The following TIMP2 variants were observed in gnomAD, a reference collection of about 807,000 sequenced individuals.
The protein encoded by TIMP2 is metalloproteinase inhibitor 2.
TIMP2 carries 5 observed loss-of-function variants against 24.3 expected under a neutral mutation model. That is an observed-to-expected ratio of 0.21 (90% CI 0.11 to 0.43). The LOEUF is 0.43. TIMP2 is among the 20% of genes least tolerant of loss of function. The pLI is 1.00. For synonymous variants in TIMP2, 130 were observed against 123.2 expected (o/e 1.06, Z -0.37); for missense variants, 221 against 297.5 (o/e 0.74, Z 1.89).
chr17:78,871,449 CAAAAA>C (rs749440079), intron 2 of TIMP2, among the ~76,000 whole-genome samples: 9 of 122,584 alleles, frequency 7.3e-5, no homozygotes, highest in Non-Finnish European at 1.1e-4. Flanking sequence ...AAGACTCCGT[CAAAAA>C]AAAAAAAAAA....
intron 1 of TIMP2, among the ~76,000 whole-genome samples, chr17:78,890,127 C>G (rs1428260450): frequency 6.6e-6 from 1 of 151,754 alleles, no homozygotes; most frequent in Non-Finnish European, 1.5e-5. Context: ...ATCAATCAAT[C>G]AATCAATAAA....
intron 1 of TIMP2, among the ~76,000 whole-genome samples, chr17:78,913,216 C>T (rs2070224323): frequency 6.6e-6 from 1 of 152,124 alleles, no homozygotes; most frequent in South Asian, 2.1e-4. Flanking sequence ...GGCTGAGACC[C>T]GCGGCTCTGC....
At position 78,925,088 on chromosome 17, in the gene TIMP2, T is replaced by TGGCGGGCCGGGGGGCTG. The variant is rs1599182209; in HGVS notation, c.-17_-1dup. 1 of 109,572 alleles carries TGGCGGGCCGGGGGGCTG rather than the reference T, an allele frequency of 9.1e-6. No individual in the cohort carries two copies. Among genetic ancestry groups the TGGCGGGCCGGGGGGCTG allele is most frequent in the African/African-American group, 6.6e-5 (1 of 15,132 alleles). 6.8% of individuals were successfully genotyped at this position (109,572 alleles called of 1,614,324 possible). On this transcript the variant is annotated 5_prime_UTR_variant, in exon 1 of 5. Coordinates refer to ENST00000262768, the MANE Select transcript of TIMP2 (RefSeq NM_003255.5). ...CGCAGGGTGCGGGCCGCGGCGCCCA[T>TGGCGGGCCGGGGGGCTG]GGCGGGCCGGGGGGCTGGGCGGGCG...
intron 1 of TIMP2, among the ~76,000 whole-genome samples, chr17:78,895,919 C>T (rs904979504): frequency 2.0e-5 from 3 of 152,248 alleles, no homozygotes; most frequent in African/African-American, 7.2e-5. Flanking sequence ...GACAAGTCTT[C>T]CCTGCTCTGG....
At chr17:78,916,000 C>T (rs2070254611) in intron 1 of TIMP2, among the ~76,000 whole-genome samples, 1 of 152,208 alleles carries the variant, frequency 6.6e-6, no homozygotes, top group African/African-American at 2.4e-5. Context: ...CCTCTGCCAG[C>T]TGTTATTGTT....
rs574621964 is a variant in TIMP2, at chr17:78,901,835, G to C, written c.130+23124C>G. 6.2e-5 allele frequency: 44 copies of C among 710,828 alleles called. 1 individual carries two copies. In the South Asian group the frequency reaches 6.2e-4, roughly 10 times the overall value. 44.0% of individuals were successfully genotyped at this position (710,828 alleles called of 1,614,324 possible). ...TAGACCACCCAGAACACATTACAGGGAGGCAGAAGCTGACAGGAGGGCAGG... is the reference window on the plus strand; with the variant it reads ...TAGACCACCCAGAACACATTACAGGCAGGCAGAAGCTGACAGGAGGGCAGG... On this transcript the variant is annotated intron_variant, in intron 1 of 4. Transcript: ENST00000262768.
rs770895644 is a variant in TIMP2 at position 78,854,229 on chromosome 17, T to C, written c.*1438A>G. The C allele has an allele frequency of 6.6e-6, 1 of 151,960 alleles. No individual in the cohort carries two copies. Among genetic ancestry groups the C allele is most frequent in the Non-Finnish European group, 1.5e-5 (1 of 67,998 alleles). 9.4% of individuals were successfully genotyped at this position (151,960 alleles called of 1,614,324 possible). ...GTTTACATAATGTGCCTGTATATCG[T>C]CAGTTTATCTTTACAACACAGGTGG... is the stretch of plus-strand genomic sequence containing the variant. On this transcript the variant is annotated 3_prime_UTR_variant, in exon 5 of 5. Transcript: ENST00000262768.
chr17:78,890,774 G>A, intron 1 of TIMP2: 2 of 1,550,652 alleles, frequency 1.3e-6, no homozygotes, highest in Non-Finnish European at 1.7e-6. Flanking sequence ...GGCGAGGCTG[G>A]TGCCCGATGG....
At chr17:78,892,121 C>A in intron 1 of TIMP2, 1 of 1,551,124 alleles carries the variant, frequency 6.4e-7, no homozygotes, top group Non-Finnish European at 8.7e-7. Flanking sequence ...CCTGTCCAGG[C>A]CACCGACGTG....
chr17:78,905,788 C>T (rs1225503166), intron 1 of TIMP2, among the ~76,000 whole-genome samples: 2 of 152,262 alleles, frequency 1.3e-5, no homozygotes, highest in Admixed American at 1.3e-4. Flanking sequence ...CTAAGGCCAA[C>T]TCAGCCTTGA....
At chr17:78,875,456 G>T (rs1295192812) in intron 1 of TIMP2, among the ~76,000 whole-genome samples, 2 of 152,184 alleles carry the variant, frequency 1.3e-5, no homozygotes, top group Non-Finnish European at 2.9e-5. Flanking sequence ...ATTAAGCCAG[G>T]ATTCTGTTCC....
rs376346346 is a variant in TIMP2 at position 78,882,031 on chromosome 17, G to A, written c.131-8112C>T. Among the ~76,000 whole-genome samples, 4 of 152,258 alleles carry A rather than the reference G, an allele frequency of 2.6e-5. No individual in the cohort carries two copies. The East Asian group carries it at 5.8e-4, about 22-fold the overall frequency. Reference sequence around the variant, plus strand: ...CCAGGCTGGAATGCAATGGCACGACGTTGGCTCACTGCAACCTCGGCCTCC... The same window carrying A: ...CCAGGCTGGAATGCAATGGCACGACATTGGCTCACTGCAACCTCGGCCTCC... On this transcript the variant is annotated intron_variant, in intron 1 of 4. Coordinates refer to ENST00000262768, the MANE Select transcript of TIMP2 (RefSeq NM_003255.5).
intron 1 of TIMP2, among the ~76,000 whole-genome samples, chr17:78,880,678 T>C (rs1037917356): frequency 6.6e-6 from 1 of 152,126 alleles, no homozygotes; most frequent in African/African-American, 2.4e-5. Flanking sequence ...CGGTCCTGGG[T>C]GAAAGAACCA....
chr17:78,862,891 T>C (rs1358762529), intron 3 of TIMP2, among the ~76,000 whole-genome samples: 1 of 152,246 alleles, frequency 6.6e-6, no homozygotes, highest in East Asian at 1.9e-4. Flanking sequence ...AGGACATGAT[T>C]TCCCTCCTTT....
At chr17:78,874,519 G>C (rs894814756) in intron 1 of TIMP2, among the ~76,000 whole-genome samples, 9 of 152,136 alleles carry the variant, frequency 5.9e-5, no homozygotes, top group African/African-American at 2.2e-4. Flanking sequence ...CTTACATCTG[G>C]AAAGGTCTAT....
chr17:78,904,568 G>T (rs949319723), intron 1 of TIMP2: 2 of 152,092 alleles, frequency 1.3e-5, no homozygotes, highest in Non-Finnish European at 2.9e-5. Context: ...GAATGTTCTC[G>T]ATCACAGTCC....
At position 78,925,244 on chromosome 17, in the gene TIMP2, A is replaced by G. The variant is rs1197416630; in HGVS notation, c.-156T>C. On this transcript the variant is annotated 5_prime_UTR_variant, in exon 1 of 5. Coordinates refer to ENST00000262768, the MANE Select transcript of TIMP2 (RefSeq NM_003255.5). Reference sequence around the variant, plus strand: ...CCTCACCTGCCCCGCTCGGCCGCGCAAACTTTCTCTCCTCTTTGTCTCGGG... The same window carrying G: ...CCTCACCTGCCCCGCTCGGCCGCGCGAACTTTCTCTCCTCTTTGTCTCGGG... The G allele has an allele frequency of 1.3e-5, 2 of 152,022 alleles. No homozygotes were observed. The highest frequency in any genetic ancestry group is 2.7e-5 in the Non-Finnish European group (2 of 73,636). 9.4% of individuals were successfully genotyped at this position (152,022 alleles called of 1,614,324 possible).
intron 1 of TIMP2, chr17:78,892,505 G>C: frequency 1.3e-6 from 2 of 1,504,222 alleles, no homozygotes; most frequent in Non-Finnish European, 1.8e-6. Flanking sequence ...TCGCTCCCAG[G>C]AGAGTGAGCA....
intron 3 of TIMP2, among the ~76,000 whole-genome samples, chr17:78,862,966 G>A (rs1187034992): frequency 6.6e-6 from 1 of 152,208 alleles, no homozygotes; most frequent in Non-Finnish European, 1.5e-5. Context: ...CACCATTGAT[G>A]AGCACTTGGG....
Sources: gnomAD v4.1 joint callset for allele counts (sites outside exome capture counted in the v4.1 genomes callset) on GRCh38, gnomAD v4.1.1 for gene constraint, MANE v1.5 for transcripts, NCBI Gene and HGNC (gene_info 2026-07-23, HGNC 2026-07-21) for gene names.